Variants in ABCA4 observed in about 807,000 individuals in gnomAD.
The protein encoded by ABCA4 is retinal-specific phospholipid-transporting ATPase ABCA4.
Under a neutral mutation model 263.7 loss-of-function variants are expected in ABCA4, and 196 were observed. The ratio of observed to expected loss-of-function variants is 0.74; its 90% CI spans 0.66 to 0.84. The LOEUF (loss-of-function observed/expected upper bound fraction) is 0.84, where lower values mean the gene tolerates loss of function less well. Ranked by LOEUF, ABCA4 falls within the 40% of genes least tolerant of loss-of-function variation. ABCA4 has a pLI of 0.00. For missense variants in ABCA4, 2,792 were observed against 2,855.1 expected, an observed-to-expected ratio of 0.98 and a Z score of 0.50; for synonymous variants, 1,133 against 1,094.2, an observed-to-expected ratio of 1.04 and a Z score of -0.70.
intron 36 of ABCA4, 85 bp downstream of exon 36, chr1:94,019,497 C>A (rs1210647981): frequency 1.4e-6 from 2 of 1,453,054 alleles, no homozygotes; most frequent in African/African-American, 1.4e-5. Flanking sequence ...AGAACCCCTC[C>A]CCTCTTGGTC....
At position 94,044,698 on chromosome 1, in the gene ABCA4, C is replaced by G; in HGVS notation, c.2965G>C (p.Val989Leu). The G allele has an allele frequency of 1.2e-6, 2 of 1,614,196 alleles. No individual in the cohort carries two copies. Among genetic ancestry groups the G allele is most frequent in the South Asian group, 1.1e-5 (1 of 91,080 alleles). Residue 989 changes from valine to leucine, a missense_variant, in exon 20 of 50, where the codon GTT (valine) becomes CTT (leucine). Physicochemically the swap from Val to Leu is conservative, Grantham distance 32. Coordinates refer to ENST00000370225, the MANE Select transcript of ABCA4 (RefSeq NM_000350.3). ...LLPPTSGTVL[V>L]GGRDIETSLD... The stretch of plus-strand genomic sequence containing the variant: ...CTGGTTTCAATGTCCCTTCCCCCAA[C>G]GAGCACAGTCCCAGAGGTTGGTGGC...
At position 94,036,798 on chromosome 1, in the gene ABCA4, A is replaced by T. The variant is rs749967003; in HGVS notation, c.3814-10T>A. On this transcript the variant is annotated splice_polypyrimidine_tract_variant and intron_variant, in intron 25 of 49. Coordinates refer to ENST00000370225, the MANE Select transcript of ABCA4 (RefSeq NM_000350.3). ...TGACCTTCAGAAAAATCTGTCAAGA[A>T]GAAAAAAAGAGAGAATTTTGTTTAG... 1 of 1,613,684 alleles carries T rather than the reference A, an allele frequency of 6.2e-7. No individual in the cohort carries two copies. Among genetic ancestry groups the T allele is most frequent in the African/African-American group, 1.3e-5 (1 of 75,052 alleles).
Position 94,032,050 on chromosome 1 carries a change from T to G in ABCA4, c.3863-7A>C. The G allele has an allele frequency of 6.2e-7, 1 of 1,608,466 alleles. No individual in the cohort carries two copies. Among genetic ancestry groups the G allele is most frequent in the African/African-American group, 1.3e-5 (1 of 75,018 alleles). Reference sequence around the variant, plus strand: ...CTTTTCTGCTGAGCGCCACCTGTTTTGAGAGATTGAATTAATAATTTGGAA... The same window carrying G: ...CTTTTCTGCTGAGCGCCACCTGTTTGGAGAGATTGAATTAATAATTTGGAA... On this transcript the variant is annotated splice_polypyrimidine_tract_variant and splice_region_variant and intron_variant, in intron 26 of 49. Transcript: ENST00000370225.
intron 23 of ABCA4, 73 bp from the exon 24 acceptor site, chr1:94,040,200 C>T: frequency 1.7e-6 from 2 of 1,196,224 alleles, no homozygotes; most frequent in Non-Finnish European, 2.4e-6. Flanking sequence ...ATGCCAGCTG[C>T]TGTCACCGCC....
At chr1:94,033,361 C>T (rs1035653072) in intron 26 of ABCA4, among the ~76,000 whole-genome samples, 1 of 147,446 alleles carries the variant, frequency 6.8e-6, no homozygotes, top group African/African-American at 2.5e-5. Context: ...GAGGTCAAGG[C>T]TGCAGTGAGC....
At chr1:94,018,728 T>C (rs1459867089) in intron 36 of ABCA4, 1 of 408,386 alleles carries the variant, frequency 2.4e-6, no homozygotes, top group South Asian at 1.8e-5. Flanking sequence ...GTTGATGTCA[T>C]AATGATCCCT....
At chr1:94,059,834 A>G (rs191632624) in intron 14 of ABCA4, among the ~76,000 whole-genome samples, 82 of 152,340 alleles carry the variant, frequency 5.4e-4, no homozygotes, top group African/African-American at 1.9e-3. Flanking sequence ...GGAGCTAAAA[A>G]TGAAGGATAG....
At chr1:94,036,858 C>T in intron 25 of ABCA4, 70 bp from the exon 26 acceptor site, 1 of 1,484,754 alleles carries the variant, frequency 6.7e-7, no homozygotes, top group South Asian at 1.1e-5. Context: ...AACCCAAGCT[C>T]TGTTTTGTTG....
At chr1:94,072,889 G>T (rs1162606715) in intron 11 of ABCA4, among the ~76,000 whole-genome samples, 1 of 152,172 alleles carries the variant, frequency 6.6e-6, no homozygotes, top group Non-Finnish European at 1.5e-5. Flanking sequence ...TTTATGGGGT[G>T]AATGAGATTG....
rs144333986 is a variant in ABCA4 at position 94,026,621 on chromosome 1, G to A, written c.4540-1573C>T. ...ATCCAGGTTGGAAAAATTGCTGCTGGCTGCGATAGCTTATGATAAATTGTT... is the reference window on the plus strand; with the variant it reads ...ATCCAGGTTGGAAAAATTGCTGCTGACTGCGATAGCTTATGATAAATTGTT... On this transcript the variant is annotated intron_variant, in intron 30 of 49. Transcript: ENST00000370225. Among the ~76,000 whole-genome samples, 969 of 152,314 alleles carry A rather than the reference G, an allele frequency of 6.4e-3. 5 individuals are homozygous for A. The highest frequency in any genetic ancestry group is 0.039 in the South Asian group (186 of 4,826).
chr1:94,069,989 C>T (rs540717628), intron 11 of ABCA4, among the ~76,000 whole-genome samples: 3 of 152,318 alleles, frequency 2.0e-5, no homozygotes, highest in Admixed American at 6.5e-5. Context: ...GGCAAAGCCA[C>T]GAGGTAATGC....
intron 3 of ABCA4, among the ~76,000 whole-genome samples, chr1:94,110,736 C>A (rs1418283930): frequency 1.3e-5 from 2 of 152,192 alleles, no homozygotes; most frequent in African/African-American, 4.8e-5. Flanking sequence ...AGGCTACTAA[C>A]CTGGCATCTA....
intron 13 of ABCA4, chr1:94,061,256 A>G: frequency 4.9e-6 from 1 of 203,008 alleles, no homozygotes; most frequent in Non-Finnish European, 1.0e-5. Context: ...ACACAAAAAG[A>G]CACACAAAAT....
chr1:94,083,305 G>A (rs765319626), intron 7 of ABCA4, 47 bp downstream of exon 7: 16 of 1,431,868 alleles, frequency 1.1e-5, no homozygotes, highest in Non-Finnish European at 1.6e-5. Flanking sequence ...GGGGTAAATG[G>A]TGGAAAGACA....
chr1:94,116,805 C>G (rs997226280), intron 1 of ABCA4, among the ~76,000 whole-genome samples: 1 of 152,146 alleles, frequency 6.6e-6, no homozygotes, highest in Non-Finnish European at 1.5e-5. Context: ...AGCTCAGACT[C>G]CCCCTACCCT....
intron 11 of ABCA4, among the ~76,000 whole-genome samples, chr1:94,066,240 G>C (rs987343232): frequency 2.6e-5 from 4 of 152,196 alleles, no homozygotes; most frequent in Non-Finnish European, 5.9e-5. Flanking sequence ...TGAGGACAAA[G>C]GATTGACAGT....
chr1:94,009,346 A>G (rs571836739), intron 40 of ABCA4, among the ~76,000 whole-genome samples: 18 of 152,078 alleles, frequency 1.2e-4, no homozygotes, highest in African/African-American at 4.3e-4. Flanking sequence ...TGCCCTGCCA[A>G]CTCCACCTTT....
chr1:94,113,196 T>C (rs1662660635), intron 1 of ABCA4, 130 bp from the exon 2 acceptor site: 2 of 839,324 alleles, frequency 2.4e-6, no homozygotes, highest in Middle Eastern at 2.2e-4. Context: ...TATCTTTACC[T>C]AAACAGTTTC....
chr1:94,029,421 C>G (rs1217120255), intron 30 of ABCA4, 24 bp downstream of exon 30: 2 of 1,536,630 alleles, frequency 1.3e-6, no homozygotes, highest in South Asian at 1.2e-5. Context: ...AGACCTGGGG[C>G]CCCGTTGTTT....
Sources: allele counts gnomAD v4.1 joint callset (sites outside exome capture counted in the v4.1 genomes callset), GRCh38; gene constraint gnomAD v4.1.1; transcripts MANE v1.5; gene names NCBI Gene and HGNC (gene_info 2026-07-23, HGNC 2026-07-21).